Variants in FSTL4 observed in about 807,000 individuals in gnomAD.
The protein encoded by FSTL4 is follistatin-related protein 4.
Under a neutral mutation model 78.2 loss-of-function variants are expected in FSTL4, and 28 were observed. The observed-to-expected ratio is 0.36, with a 90% CI of 0.27 to 0.49. FSTL4 has a LOEUF of 0.49. Among genes scored for constraint, FSTL4 ranks in the 20% least tolerant of loss-of-function variants. FSTL4 has a pLI of 0.98. For synonymous variants in FSTL4, 422 were observed against 440.5 expected, an observed-to-expected ratio of 0.96 and a Z score of 0.53; for missense variants, 922 against 1,084.9, an observed-to-expected ratio of 0.85 and a Z score of 2.11.
At chr5:133,701,509 A>ACACACACCCCCCCC in the FSTL4 span, among the ~76,000 whole-genome samples, 1 of 132,624 alleles carries the variant, frequency 7.5e-6, no homozygotes. Context: ...ACACACACAC[A>ACACACACCCCCCCC]CCCCACAGGC....
intron 3 of FSTL4, among the ~76,000 whole-genome samples, chr5:133,434,995 G>A (rs173503): frequency 0.65 from 98,937 of 151,982 alleles, 32,748 homozygotes; most frequent in African/African-American, 0.78. Context: ...TTGATTACTA[G>A]GAGCTCTTTC....
chr5:133,335,372 G>A (rs980281288), intron 4 of FSTL4, among the ~76,000 whole-genome samples: 3 of 152,090 alleles, frequency 2.0e-5, no homozygotes, highest in African/African-American at 7.2e-5. Flanking sequence ...ACTCAGGCAC[G>A]GCTGGGACTC....
chr5:133,656,063 G>T, the FSTL4 span, among the ~76,000 whole-genome samples: 2 of 152,334 alleles, frequency 1.3e-5, no homozygotes, highest in African/African-American at 4.8e-5. Flanking sequence ...AGGACTGACA[G>T]GGTAGGGGCT....
At chr5:133,512,817 T>A (rs1266258346) in intron 3 of FSTL4, among the ~76,000 whole-genome samples, 1 of 121,664 alleles carries the variant, frequency 8.2e-6, no homozygotes, top group Non-Finnish European at 2.0e-5. Context: ...TGGATAAGAT[T>A]TTCTTCCTTT....
the FSTL4 span, among the ~76,000 whole-genome samples, chr5:133,791,372 ATACAT>A: frequency 6.6e-6 from 1 of 152,104 alleles, no homozygotes; most frequent in South Asian, 2.1e-4. Context: ...AACATACTAT[ATACAT>A]TACATGTATA....
chr5:133,346,035 AT>A (rs1754691635), intron 4 of FSTL4, among the ~76,000 whole-genome samples: 2 of 152,266 alleles, frequency 1.3e-5, no homozygotes, highest in African/African-American at 4.8e-5. Flanking sequence ...AATGTGGCAC[AT>A]ACACAACATG....
chr5:133,826,473 T>A, the FSTL4 span, among the ~76,000 whole-genome samples: 1 of 152,226 alleles, frequency 6.6e-6, no homozygotes, highest in Non-Finnish European at 1.5e-5. Context: ...AGGGAGAAGC[T>A]GCCTTTGCCT....
At chr5:133,625,095 G>A in the FSTL4 span, among the ~76,000 whole-genome samples, 1 of 151,340 alleles carries the variant, frequency 6.6e-6, no homozygotes, top group East Asian at 1.9e-4. Context: ...TTTTTGTAGT[G>A]TTTTTGTCTG....
chr5:133,494,808 T>C (rs1758338070), intron 3 of FSTL4, among the ~76,000 whole-genome samples: 1 of 152,230 alleles, frequency 6.6e-6, no homozygotes, highest in African/African-American at 2.4e-5. Context: ...CTCCTGAGAC[T>C]CTCACCTTGA....
chr5:133,594,276 C>T (rs1378243450), intron 2 of FSTL4, among the ~76,000 whole-genome samples: 1 of 152,266 alleles, frequency 6.6e-6, no homozygotes, highest in African/African-American at 2.4e-5. Context: ...CTGCAACCTC[C>T]GCCTCCTGGG....
chr5:133,355,625 C>T (rs1191208704), intron 4 of FSTL4, among the ~76,000 whole-genome samples: 2 of 152,138 alleles, frequency 1.3e-5, no homozygotes, highest in Non-Finnish European at 2.9e-5. Flanking sequence ...CACTGCACTC[C>T]AGCCTGGGCG....
chr5:133,412,315 T>G (rs10077572), intron 3 of FSTL4, among the ~76,000 whole-genome samples: 52,475 of 151,932 alleles, frequency 0.35, 9,319 homozygotes, highest in Middle Eastern at 0.44. Context: ...AATCAGTGAC[T>G]GCAGATTTGG....
chr5:133,834,120 A>G, the FSTL4 span, among the ~76,000 whole-genome samples: 1 of 152,242 alleles, frequency 6.6e-6, no homozygotes, highest in Non-Finnish European at 1.5e-5. Context: ...AAGATCAAGA[A>G]CCATTTTCCA....
At chr5:133,224,078 C>T in intron 11 of FSTL4, 112 bp downstream of exon 11, 1 of 747,962 alleles carries the variant, frequency 1.3e-6, no homozygotes. Context: ...CTTCCTGCTC[C>T]CATAGGGCTG....
chr5:133,327,632 G>C (rs1375419545), intron 4 of FSTL4, among the ~76,000 whole-genome samples: 2 of 152,214 alleles, frequency 1.3e-5, no homozygotes, highest in African/African-American at 4.8e-5. Flanking sequence ...GTAAGGCATG[G>C]ATGTGCTGGT....
the FSTL4 span, among the ~76,000 whole-genome samples, chr5:133,644,213 T>C: frequency 5.3e-5 from 8 of 152,176 alleles, no homozygotes. Context: ...TTCTGGTCGC[T>C]AGAGTCCGAG....
chr5:133,420,708 G>A (rs1250176231), intron 3 of FSTL4, among the ~76,000 whole-genome samples: 1 of 152,242 alleles, frequency 6.6e-6, no homozygotes, highest in African/African-American at 2.4e-5. Flanking sequence ...TAACACAGGA[G>A]AGGGTCACAC....
At chr5:133,339,354 C>T (rs1334186390) in intron 4 of FSTL4, among the ~76,000 whole-genome samples, 1 of 152,156 alleles carries the variant, frequency 6.6e-6, no homozygotes, top group Non-Finnish European at 1.5e-5. Context: ...CACAGGCCTG[C>T]TCTCAGGGAG....
chr5:133,657,156 T>C, the FSTL4 span, among the ~76,000 whole-genome samples: 1 of 152,152 alleles, frequency 6.6e-6, no homozygotes, highest in Non-Finnish European at 1.5e-5. Context: ...AAGAGAGTGA[T>C]GAAGTCCGCT....
Sources: allele counts gnomAD v4.1 joint callset (sites outside exome capture counted in the v4.1 genomes callset), GRCh38; gene constraint gnomAD v4.1.1; transcripts MANE v1.5; gene names NCBI Gene and HGNC (gene_info 2026-07-23, HGNC 2026-07-21).